UTP14A: variants seen among roughly 807,000 people sequenced by gnomAD.
UTP14A encodes the protein U3 small nucleolar RNA-associated protein 14 homolog A.
A neutral mutation model predicts 57.2 loss-of-function variants in UTP14A; 5 were observed. The observed-to-expected ratio is 0.09, with a 90% CI of 0.05 to 0.18. The LOEUF is 0.18. Among genes scored for constraint, UTP14A ranks in the 10% least tolerant of loss-of-function variants. The pLI, the probability that UTP14A is intolerant of heterozygous loss-of-function variation, is 1.00. For missense variants in UTP14A, 430 were observed against 562.1 expected, an observed-to-expected ratio of 0.76 and a Z score of 2.38; for synonymous variants, 169 against 210.9, an observed-to-expected ratio of 0.80 and a Z score of 1.72.
chrX:129,906,188 T>C lies in UTP14A; in HGVS notation c.-23T>C, dbSNP rs749632418. 23 of 1,207,866 alleles carry C rather than the reference T, an allele frequency of 1.9e-5. No homozygotes were observed. The Admixed American group carries it at 3.9e-4, about 21-fold the overall frequency. On this transcript the variant is annotated 5_prime_UTR_variant, in exon 1 of 15. The change abolishes an upstream ATG in the 5' untranslated region. Transcript: ENST00000394422. ...TCCTTCGGCTTCCGTTCTTGGTCCA[T>C]GTGAGAGAAGCTGGCTGCTGAAATG...
At chrX:129,909,436 C>T (rs966878856) in intron 4 of UTP14A, among the ~76,000 whole-genome samples, 1 of 110,738 alleles carries the variant, frequency 9.0e-6, no homozygotes, top group Non-Finnish European at 1.9e-5. Flanking sequence ...GTCTGGATCT[C>T]CTGACCTCGT....
intron 6 of UTP14A, among the ~76,000 whole-genome samples, chrX:129,912,139 G>T (rs1230655466): frequency 2.8e-5 from 3 of 107,826 alleles, no homozygotes; most frequent in African/African-American, 1.0e-4. Flanking sequence ...TTGAGACAGG[G>T]TCTTGCTCTG....
At chrX:129,906,318 C>G (rs1036796699) in intron 1 of UTP14A, 82 bp downstream of exon 1, 6 of 972,930 alleles carry the variant, frequency 6.2e-6, no homozygotes, top group Admixed American at 4.9e-5. Context: ...GGAGCCCCCC[C>G]TTTAACAGAT....
intron 11 of UTP14A, among the ~76,000 whole-genome samples, chrX:129,924,283 C>CTTTTTTT (rs556719731): frequency 7.3e-5 from 6 of 82,532 alleles, no homozygotes; most frequent in Non-Finnish European, 1.1e-4. Context: ...TCACATGCTA[C>CTTTTTTT]TTTTTTTTTT....
chrX:129,916,096 G>A (rs1034149158), intron 6 of UTP14A, among the ~76,000 whole-genome samples: 2 of 108,983 alleles, frequency 1.8e-5, no homozygotes, highest in African/African-American at 6.7e-5. Flanking sequence ...TGGGACTACA[G>A]GTGCCCGCCA....
rs143067310 is a variant in UTP14A, at chrX:129,908,172, C to T, written c.173+42C>T. 242 of 1,076,190 alleles carry T rather than the reference C, an allele frequency of 2.2e-4. 1 individual carries two copies. In the African/African-American group the frequency reaches 3.8e-3, roughly 17 times the overall value. The allele number at this position is 1,076,190 out of a possible 1,213,427, so 88.7% of individuals were successfully genotyped here. On this transcript the variant is annotated intron_variant, in intron 3 of 14. Transcript: ENST00000394422. Reference sequence around the variant, plus strand: ...TTAGGGCAGGTTATATAGTCAATTCCGTGAGATTTCTCTGCAGCTAATATT... The same window carrying T: ...TTAGGGCAGGTTATATAGTCAATTCTGTGAGATTTCTCTGCAGCTAATATT...
In UTP14A at chrX:129,926,035, G is replaced by A. The variant is rs2124222458; in HGVS notation, c.1866G>A (p.Lys622=). The A allele has an allele frequency of 5.0e-6, 6 of 1,211,785 alleles. No homozygotes were observed. Among genetic ancestry groups the A allele is most frequent in the Non-Finnish European group, 6.7e-6 (6 of 895,411 alleles). Residue 622 remains lysine, a synonymous_variant, in exon 13 of 15, where the codon AAG becomes AAA. Coordinates refer to ENST00000394422, the MANE Select transcript of UTP14A (RefSeq NM_006649.4). ...AAGCTGTGGAGGCGAGTAAGCCAAA[G>A]GACGTGGACCTGACACTACCTGGCT... ...KREAVEASKP[K]DVDLTLPGWG... is the part of the protein sequence containing the mutation.
At chrX:129,911,249 A>AG in intron 5 of UTP14A, 99 bp downstream of exon 5, 1 of 1,039,109 alleles carries the variant, frequency 9.6e-7, no homozygotes, top group South Asian at 2.5e-5. Flanking sequence ...AAATGGGAGA[A>AG]GGGGGAGTTG....
chrX:129,925,245 C>T (rs1250631300), intron 12 of UTP14A, 50 bp downstream of exon 12: 3 of 1,170,114 alleles, frequency 2.6e-6, no homozygotes, highest in East Asian at 6.0e-5. Flanking sequence ...GTCGTTCTTG[C>T]GCAAGGAGTA....
At chrX:129,917,324 T>C (rs1458503143) in intron 6 of UTP14A, among the ~76,000 whole-genome samples, 2 of 112,310 alleles carry the variant, frequency 1.8e-5, no homozygotes, top group Non-Finnish European at 3.8e-5. Flanking sequence ...AATAGCATCG[T>C]GTAACATGTG....
chrX:129,923,390 C>T (rs1037545591), intron 11 of UTP14A, among the ~76,000 whole-genome samples: 2 of 112,552 alleles, frequency 1.8e-5, no homozygotes, highest in Non-Finnish European at 3.8e-5. Flanking sequence ...ATCCTCCTGC[C>T]TCAGCCTGCA....
intron 6 of UTP14A, among the ~76,000 whole-genome samples, chrX:129,915,925 T>A (rs1466379710): frequency 9.1e-6 from 1 of 110,215 alleles, no homozygotes; most frequent in Non-Finnish European, 1.9e-5. Flanking sequence ...TTAGTCCTTT[T>A]TATTCTTGCT....
chrX:129,920,952 A>G (rs1929885835), intron 10 of UTP14A, 200 bp downstream of exon 10: 1 of 754,228 alleles, frequency 1.3e-6, no homozygotes, highest in Non-Finnish European at 1.6e-6. Flanking sequence ...GGCAAGTCCA[A>G]AGGGGGAGAG....
chrX:129,914,763 C>G (rs927328042), intron 6 of UTP14A, among the ~76,000 whole-genome samples: 5 of 112,405 alleles, frequency 4.4e-5, no homozygotes, highest in Non-Finnish European at 9.4e-5. Flanking sequence ...CCTCACTATT[C>G]TCTGTCTACA....
intron 12 of UTP14A, 115 bp from the exon 13 acceptor site, chrX:129,925,804 T>G: frequency 1.1e-6 from 1 of 909,306 alleles, no homozygotes; most frequent in Non-Finnish European, 1.5e-6. Flanking sequence ...AAGACCATCA[T>G]TGTTCAGCAC....
intron 5 of UTP14A, 121 bp downstream of exon 5, chrX:129,911,271 C>A: frequency 1.1e-6 from 1 of 932,190 alleles, no homozygotes; most frequent in Non-Finnish European, 1.5e-6. Context: ...GATTTCCCCA[C>A]TATGGATAAG....
At position 129,924,973 on chromosome X, in the gene UTP14A, G is replaced by C; in HGVS notation, c.1527G>C (p.Gln509His). 8.3e-7 allele frequency: 1 copy of C among 1,211,549 alleles called. No homozygotes were observed. Among genetic ancestry groups the C allele is most frequent in the Non-Finnish European group, 1.1e-6 (1 of 895,551 alleles). The change falls in exon 12 of 15, where the codon CAG (glutamine) becomes CAC (histidine). Residue 509 changes from glutamine to histidine, a missense_variant. Physicochemically the swap from Gln to His is conservative, Grantham distance 24 (BLOSUM62 0). Coordinates refer to ENST00000394422, the MANE Select transcript of UTP14A (RefSeq NM_006649.4). ...TGCTACAGAGACCAGAGAGAGTACA[G>C]ACGCTGGAAGAGCTAGAAGAGCTGG... ...PLLLQRPERV[Q>H]TLEELEELGK...
At chrX:129,928,723 C>T (rs1930205211) in intron 14 of UTP14A, among the ~76,000 whole-genome samples, 3 of 111,705 alleles carry the variant, frequency 2.7e-5, no homozygotes, top group East Asian at 5.6e-4. Flanking sequence ...CACTGCACTC[C>T]AGCCTGGGCG....
chrX:129,906,316 C>CG, intron 1 of UTP14A, 80 bp downstream of exon 1: 1 of 991,659 alleles, frequency 1.0e-6, no homozygotes, highest in East Asian at 3.1e-5. Context: ...TGGGAGCCCC[C>CG]CCTTTAACAG....
Sources: allele counts gnomAD v4.1 joint callset (sites outside exome capture counted in the v4.1 genomes callset), GRCh38; gene constraint gnomAD v4.1.1; transcripts MANE v1.5; gene names NCBI Gene and HGNC (gene_info 2026-07-23, HGNC 2026-07-21).